The following PLCB1 variants were observed in gnomAD, a reference collection of about 807,000 sequenced individuals.
The protein encoded by PLCB1 is 1-phosphatidylinositol 4,5-bisphosphate phosphodiesterase beta-1.
In PLCB1, 46 loss-of-function variants were observed where a neutral mutation model predicts 161.8. The observed-to-expected ratio is 0.28, with a 90% CI of 0.22 to 0.36. The LOEUF (loss-of-function observed/expected upper bound fraction) is 0.36. Ranked by LOEUF, PLCB1 falls within the 10% of genes least tolerant of loss-of-function variation. PLCB1 has a pLI of 1.00. For synonymous variants in PLCB1, 517 were observed against 503.7 expected (o/e 1.03, Z -0.35); for missense variants, 1,016 against 1,472.5 (o/e 0.69, Z 5.07).
chr20:8,738,313 G>C (rs1024259768), intron 20 of PLCB1, among the ~76,000 whole-genome samples: 1 of 152,152 alleles, frequency 6.6e-6, no homozygotes, highest in African/African-American at 2.4e-5. Context: ...CAGTGTAAAA[G>C]TGTTCCTATT....
intron 31 of PLCB1, among the ~76,000 whole-genome samples, chr20:8,832,440 G>T (rs1433138239): frequency 1.3e-5 from 2 of 152,174 alleles, no homozygotes; most frequent in East Asian, 1.9e-4. Context: ...TGAAAATACA[G>T]TCATGGGTTA....
chr20:8,255,239 A>G (rs1016872469), intron 2 of PLCB1, among the ~76,000 whole-genome samples: 4 of 152,108 alleles, frequency 2.6e-5, no homozygotes, highest in African/African-American at 4.8e-5. Flanking sequence ...AATAGAACAT[A>G]ACAGAATATA....
At chr20:8,831,871 T>G in intron 31 of PLCB1, among the ~76,000 whole-genome samples, 1 of 148,206 alleles carries the variant, frequency 6.7e-6, no homozygotes, top group African/African-American at 2.5e-5. Context: ...GAAATTTAAT[T>G]TTCTTTCTTT....
intron 3 of PLCB1, among the ~76,000 whole-genome samples, chr20:8,564,118 A>C (rs2123031270): frequency 6.6e-6 from 1 of 152,324 alleles, no homozygotes; most frequent in African/African-American, 2.4e-5. Flanking sequence ...ACAGTAACCA[A>C]ACAGTGTGGT....
At chr20:8,670,387 C>T (rs1323482567) in intron 9 of PLCB1, among the ~76,000 whole-genome samples, 1 of 152,116 alleles carries the variant, frequency 6.6e-6, no homozygotes, top group Non-Finnish European at 1.5e-5. Context: ...AAAACCACAT[C>T]AAATAGTACA....
At chr20:8,563,742 A>G (rs954297026) in intron 3 of PLCB1, among the ~76,000 whole-genome samples, 2 of 152,188 alleles carry the variant, frequency 1.3e-5, no homozygotes, top group Non-Finnish European at 2.9e-5. Context: ...ACTCCCATTC[A>G]TAATTGCTAA....
chr20:8,693,515 C>A (rs1264770169), intron 10 of PLCB1, among the ~76,000 whole-genome samples: 1 of 152,156 alleles, frequency 6.6e-6, no homozygotes, highest in Non-Finnish European at 1.5e-5. Context: ...CCCTGAATGG[C>A]TGTCATAGCA....
chr20:8,245,459 C>T (rs1980834431), intron 2 of PLCB1, among the ~76,000 whole-genome samples: 1 of 151,890 alleles, frequency 6.6e-6, no homozygotes, highest in South Asian at 2.1e-4. Context: ...TGTAAGTCAA[C>T]TTGTATATTA....
At chr20:8,415,897 A>C (rs1310490165) in intron 3 of PLCB1, among the ~76,000 whole-genome samples, 1 of 152,222 alleles carries the variant, frequency 6.6e-6, no homozygotes, top group Non-Finnish European at 1.5e-5. Context: ...TGCCTTAGGT[A>C]GGTTGTTGCT....
intron 2 of PLCB1, among the ~76,000 whole-genome samples, chr20:8,185,688 CTG>C (rs1277155843): frequency 7.9e-5 from 12 of 151,926 alleles, no homozygotes; most frequent in Non-Finnish European, 1.8e-4. Context: ...ACTGGTAACT[CTG>C]TCTCTTTAAT....
intron 3 of PLCB1, among the ~76,000 whole-genome samples, chr20:8,580,478 C>T (rs1026600973): frequency 2.0e-5 from 3 of 152,124 alleles, no homozygotes; most frequent in African/African-American, 7.2e-5. Flanking sequence ...GTTTTCTTTC[C>T]AATGATCAAC....
chr20:8,334,134 G>A lies in PLCB1; in HGVS notation c.178-37248G>A, dbSNP rs911785358. On this transcript the variant is annotated intron_variant, in intron 2 of 31. Transcript: ENST00000338037. ...TGAGGCAGGAGAATTGCTTGAACCC[G>A]GGAGGTGGAGGTTGCGATGAGCCGC... 3.3e-5 allele frequency among the ~76,000 whole-genome samples: 5 copies of A among 152,060 alleles called. No individual in the cohort carries two copies. In the South Asian group the frequency reaches 6.2e-4, roughly 19 times the overall value.
intron 20 of PLCB1, among the ~76,000 whole-genome samples, chr20:8,739,024 C>T (rs1305752015): frequency 1.3e-5 from 2 of 152,144 alleles, no homozygotes; most frequent in Non-Finnish European, 2.9e-5. Flanking sequence ...TGGGGGCATG[C>T]ACCTGTAGTC....
At chr20:8,577,685 T>C (rs1460293424) in intron 3 of PLCB1, among the ~76,000 whole-genome samples, 2 of 152,180 alleles carry the variant, frequency 1.3e-5, no homozygotes, top group Admixed American at 1.3e-4. Flanking sequence ...GATAAATCCA[T>C]GGACAGTAAA....
At chr20:8,326,429 G>T (rs1985156332) in intron 2 of PLCB1, among the ~76,000 whole-genome samples, 1 of 152,182 alleles carries the variant, frequency 6.6e-6, no homozygotes, top group Admixed American at 6.5e-5. Flanking sequence ...CAAAGAATAG[G>T]CGATTTTCAG....
chr20:8,496,329 C>CAAAAAAAAA (rs71331309), intron 3 of PLCB1, among the ~76,000 whole-genome samples: 1 of 91,992 alleles, frequency 1.1e-5, no homozygotes. Flanking sequence ...CCCATCTCTG[C>CAAAAAAAAA]AAAAAAAAAA....
At chr20:8,681,977 A>G (rs114063173) in intron 9 of PLCB1, among the ~76,000 whole-genome samples, 148 of 152,260 alleles carry the variant, frequency 9.7e-4, no homozygotes, top group African/African-American at 3.2e-3. Flanking sequence ...ATGCACATTC[A>G]GCTTTTAAAG....
At chr20:8,205,012 A>C (rs1348751468) in intron 2 of PLCB1, among the ~76,000 whole-genome samples, 2 of 152,138 alleles carry the variant, frequency 1.3e-5, no homozygotes, top group Non-Finnish European at 2.9e-5. Context: ...ATTATCCTAG[A>C]AATATGTTTT....
At chr20:8,395,239 G>A (rs1194278478) in intron 3 of PLCB1, among the ~76,000 whole-genome samples, 1 of 151,918 alleles carries the variant, frequency 6.6e-6, no homozygotes, top group East Asian at 1.9e-4. Context: ...CTCTACTGTC[G>A]AAAGCAGTAG....
Sources: gnomAD v4.1 joint callset for allele counts (sites outside exome capture counted in the v4.1 genomes callset) on GRCh38, gnomAD v4.1.1 for gene constraint, MANE v1.5 for transcripts, NCBI Gene and HGNC (gene_info 2026-07-23, HGNC 2026-07-21) for gene names.